TSPAN9: variants seen among roughly 807,000 people sequenced by gnomAD.
TSPAN9 encodes the protein tetraspanin-9.
Under a neutral mutation model 31.0 loss-of-function variants are expected in TSPAN9, and 16 were observed. The ratio of observed to expected loss-of-function variants is 0.52; its 90% CI spans 0.35 to 0.78. The LOEUF is 0.78. Among genes scored for constraint, TSPAN9 ranks in the 30% least tolerant of loss-of-function variants. TSPAN9 has a pLI of 0.01. For synonymous variants in TSPAN9, 145 were observed against 121.6 expected (o/e 1.19, Z -1.27); for missense variants, 272 against 312.5 (o/e 0.87, Z 0.98).
chr12:3,252,063 C>T (rs1209449996), intron 3 of TSPAN9, among the ~76,000 whole-genome samples: 1 of 152,156 alleles, frequency 6.6e-6, no homozygotes, highest in Non-Finnish European at 1.5e-5. Flanking sequence ...TAGCTTCTAG[C>T]ACCTGGTCCC....
intron 3 of TSPAN9, among the ~76,000 whole-genome samples, chr12:3,239,057 A>C (rs771697459): frequency 3.3e-5 from 5 of 152,200 alleles, no homozygotes; most frequent in Non-Finnish European, 7.3e-5. Flanking sequence ...TCATCCCCTG[A>C]TCATGCCTTC....
intron 2 of TSPAN9, among the ~76,000 whole-genome samples, chr12:3,123,631 T>C (rs1055547067): frequency 2.0e-5 from 3 of 148,430 alleles, no homozygotes; most frequent in African/African-American, 7.3e-5. Context: ...ATGTATTTTT[T>C]TTTTTTGGGA....
At chr12:3,102,683 C>T (rs562529180) in intron 2 of TSPAN9, among the ~76,000 whole-genome samples, 71 of 152,126 alleles carry the variant, frequency 4.7e-4, no homozygotes, top group Admixed American at 2.1e-3. Flanking sequence ...GTGATCCGAC[C>T]GCCTCGGCCT....
intron 3 of TSPAN9, among the ~76,000 whole-genome samples, chr12:3,231,809 C>G (rs542677332): frequency 6.6e-6 from 1 of 152,260 alleles, no homozygotes; most frequent in East Asian, 1.9e-4. Flanking sequence ...TTCCTCCCAC[C>G]TCTGCCTTTT....
intron 2 of TSPAN9, among the ~76,000 whole-genome samples, chr12:3,123,533 G>A (rs1218341392): frequency 1.3e-5 from 2 of 152,118 alleles, no homozygotes; most frequent in African/African-American, 4.8e-5. Flanking sequence ...GGGCCTGGGC[G>A]AGCTTCAGAT....
intron 2 of TSPAN9, among the ~76,000 whole-genome samples, chr12:3,088,615 G>T (rs991625336): frequency 6.6e-6 from 1 of 152,226 alleles, no homozygotes; most frequent in African/African-American, 2.4e-5. Flanking sequence ...AGCAGTTCGT[G>T]CCCGCAGTGC....
At chr12:3,185,527 GTGGTGGTAAGGGGA>G (rs903843255) in intron 2 of TSPAN9, among the ~76,000 whole-genome samples, 1 of 151,874 alleles carries the variant, frequency 6.6e-6, no homozygotes, top group African/African-American at 2.4e-5. Context: ...TAGAGAAGGG[GTGGTGGTAAGGGGA>G]TGACCAGTCT....
At chr12:3,093,432 G>T (rs1286321187) in intron 2 of TSPAN9, among the ~76,000 whole-genome samples, 2 of 152,182 alleles carry the variant, frequency 1.3e-5, no homozygotes, top group East Asian at 3.9e-4. Context: ...ATAAAAGCTG[G>T]TGAGTCTCCG....
intron 3 of TSPAN9, among the ~76,000 whole-genome samples, chr12:3,248,122 C>T (rs1274926420): frequency 6.6e-6 from 1 of 152,206 alleles, no homozygotes; most frequent in African/African-American, 2.4e-5. Context: ...CTGAATGCCT[C>T]TTTCCTGGCA....
chr12:3,238,602 G>A (rs1340987201), intron 3 of TSPAN9, among the ~76,000 whole-genome samples: 1 of 152,230 alleles, frequency 6.6e-6, no homozygotes, highest in African/African-American at 2.4e-5. Flanking sequence ...GTTGGGGCTT[G>A]TTGGGTTTAG....
rs2098332208 is a variant in TSPAN9, at chr12:3,136,517, A to G, written c.-18+52798A>G. Among the ~76,000 whole-genome samples, 3 of 152,206 alleles carry G rather than the reference A, an allele frequency of 2.0e-5. No individual in the cohort carries two copies. In the South Asian group the frequency reaches 6.2e-4, roughly 31 times the overall value. ...CAGAGAAGTGAAGGATGCCTCCAGC[A>G]TTGCAAAGACAGGACACCAAACCCT... On this transcript the variant is annotated intron_variant, in intron 2 of 8. Coordinates refer to ENST00000011898, the MANE Select transcript of TSPAN9 (RefSeq NM_006675.5).
chr12:3,190,272 G>T (rs565892263), intron 2 of TSPAN9, among the ~76,000 whole-genome samples: 1 of 152,372 alleles, frequency 6.6e-6, no homozygotes, highest in East Asian at 1.9e-4. Flanking sequence ...AGTGGTTTAG[G>T]AATATTGGAT....
At chr12:3,200,073 T>A (rs2098370429) in intron 2 of TSPAN9, 2 of 152,710 alleles carry the variant, frequency 1.3e-5, no homozygotes, top group African/African-American at 4.8e-5. Flanking sequence ...GCCCCCTTGC[T>A]CGGGTAAAAG....
intron 3 of TSPAN9, among the ~76,000 whole-genome samples, chr12:3,241,699 C>T (rs1044289712): frequency 6.6e-6 from 1 of 152,204 alleles, no homozygotes; most frequent in African/African-American, 2.4e-5. Flanking sequence ...GGGCTCTGAG[C>T]CGTGACAGGC....
chr12:3,282,989 A>G, intron 8 of TSPAN9, 56 bp from the exon 9 acceptor site: 1 of 1,580,080 alleles, frequency 6.3e-7, no homozygotes. Context: ...CTCGGGGCTG[A>G]GGTCAGGTCC....
At chr12:3,128,038 C>T (rs1012669137) in intron 2 of TSPAN9, among the ~76,000 whole-genome samples, 5 of 152,236 alleles carry the variant, frequency 3.3e-5, no homozygotes, top group African/African-American at 7.2e-5. Context: ...TGTCACTGGG[C>T]GGTAGGAATT....
chr12:3,280,488 G>C lies in TSPAN9; in HGVS notation c.432+5G>C, dbSNP rs774771969. The C allele has an allele frequency of 1.9e-6, 3 of 1,610,290 alleles. No individual in the cohort carries two copies. Among genetic ancestry groups the C allele is most frequent in the Non-Finnish European group, 1.7e-6 (2 of 1,179,514 alleles). The stretch of plus-strand genomic sequence containing the variant: ...TGGAACATCATCCAGGCTGAGGTGC[G>C]GGCTGGGCCGCCCTGGTGGGGCCAG... On this transcript the variant is annotated splice_donor_5th_base_variant and intron_variant, in intron 6 of 8. Transcript: ENST00000011898. The surrounding 1 kb of genome is among the most constrained non-coding windows in gnomAD (Gnocchi z 4.5).
At chr12:3,181,290 C>T (rs564397891) in intron 2 of TSPAN9, among the ~76,000 whole-genome samples, 3 of 152,116 alleles carry the variant, frequency 2.0e-5, no homozygotes, top group South Asian at 2.1e-4. Flanking sequence ...GGGCCCTGGA[C>T]GTAGATCATC....
rs75465427 is a variant in TSPAN9, at chr12:3,115,248, G to A, written c.-18+31529G>A. Among the ~76,000 whole-genome samples the A allele has an allele frequency of 9.3e-3, 1,424 of 152,332 alleles. 24 individuals are homozygous for A. The highest frequency in any genetic ancestry group is 0.032 in the African/African-American group (1,349 of 41,568). On this transcript the variant is annotated intron_variant, in intron 2 of 8. Coordinates refer to ENST00000011898, the MANE Select transcript of TSPAN9 (RefSeq NM_006675.5). ...AGGGTTCATCTGTGTTGTAGCACGTGTCAGAATTCCATTCCTTTTTAGGGC... is the reference window on the plus strand; with the variant it reads ...AGGGTTCATCTGTGTTGTAGCACGTATCAGAATTCCATTCCTTTTTAGGGC...
Sources: gnomAD v4.1 joint callset for allele counts (sites outside exome capture counted in the v4.1 genomes callset) on GRCh38, gnomAD v4.1.1 for gene constraint, Gnocchi (gnomAD v3.1) non-coding constraint, MANE v1.5 for transcripts, NCBI Gene and HGNC (gene_info 2026-07-23, HGNC 2026-07-21) for gene names.